Variants in MIB1 observed in about 807,000 individuals in gnomAD.
MIB1 encodes the protein MIB E3 ubiquitin protein ligase 1.
Under a neutral mutation model 124.5 loss-of-function variants are expected in MIB1, and 278 were observed. That is an observed-to-expected ratio of 2.23 (90% CI 2.02 to 2.47). The LOEUF is 2.47. Ranked by LOEUF, MIB1 falls within the 30% of genes most tolerant of loss-of-function variation. MIB1 has a pLI of 0.00. For missense variants in MIB1, 957 were observed against 1,254.4 expected (o/e 0.76, Z 3.58); for synonymous variants, 446 against 429.4 (o/e 1.04, Z -0.48).
intron 1 of MIB1, among the ~76,000 whole-genome samples, chr18:21,750,645 G>T (rs922285192): frequency 6.6e-6 from 1 of 151,670 alleles, no homozygotes; most frequent in African/African-American, 2.4e-5. Context: ...TGTATTTTTA[G>T]TAGAGATGGG....
chr18:21,843,536 T>C (rs182851796), intron 14 of MIB1, among the ~76,000 whole-genome samples: 106 of 152,354 alleles, frequency 7.0e-4, no homozygotes, highest in African/African-American at 2.1e-3. Context: ...TATTGAAATA[T>C]GTCAACTGTG....
At chr18:21,835,780 A>AT (rs1170714447) in intron 12 of MIB1, among the ~76,000 whole-genome samples, 46 of 117,444 alleles carry the variant, frequency 3.9e-4, no homozygotes, top group Middle Eastern at 4.3e-3. Context: ...AAGAAAAAAA[A>AT]AAAAATATAT....
At chr18:21,771,295 AACTT>A (rs1310958704) in intron 3 of MIB1, among the ~76,000 whole-genome samples, 4 of 152,250 alleles carry the variant, frequency 2.6e-5, no homozygotes, top group Admixed American at 6.5e-5. Flanking sequence ...TTGACTAATG[AACTT>A]ACTTCTATTT....
At chr18:21,752,356 A>G (rs139526270) in intron 1 of MIB1, among the ~76,000 whole-genome samples, 60 of 152,262 alleles carry the variant, frequency 3.9e-4, no homozygotes, top group African/African-American at 8.7e-4. Context: ...AAATTGCCCA[A>G]TTAATATTTA....
At chr18:21,815,573 T>C (rs774983554) in intron 10 of MIB1, 43 bp from the exon 11 acceptor site, 1 of 1,540,340 alleles carries the variant, frequency 6.5e-7, no homozygotes, top group East Asian at 2.3e-5. Context: ...GTTTTTTTCT[T>C]TCTAAAATAT....
At chr18:21,785,159 C>T (rs944536240) in intron 6 of MIB1, among the ~76,000 whole-genome samples, 11 of 152,042 alleles carry the variant, frequency 7.2e-5, no homozygotes, top group Admixed American at 5.2e-4. Flanking sequence ...TCGTGTGACC[C>T]GGTGGACATG....
Position 21,779,700 on chromosome 18 carries a change from T to C in MIB1, c.908+15T>C. ...AGTGGCAATAGGTGGGTGATATCTC[T>C]CAATTTTTGACAATGACAAATAAAA... On this transcript the variant is annotated intron_variant, in intron 6 of 20. Transcript: ENST00000261537. The C allele has an allele frequency of 6.3e-7, 1 of 1,596,306 alleles. No individual in the cohort carries two copies. The highest frequency in any genetic ancestry group is 1.1e-5 in the South Asian group (1 of 90,472).
intron 9 of MIB1, among the ~76,000 whole-genome samples, chr18:21,802,866 A>G (rs764211256): frequency 2.6e-5 from 4 of 152,166 alleles, no homozygotes; most frequent in Admixed American, 2.0e-4. Context: ...ATAGCAATCT[A>G]TTCTCTACAG....
At chr18:21,825,685 T>G (rs2041918276) in intron 12 of MIB1, 1 of 530,366 alleles carries the variant, frequency 1.9e-6, no homozygotes, top group African/African-American at 1.9e-5. Flanking sequence ...AAACGTTGGT[T>G]GTCCCGTAGT....
At chr18:21,733,767 G>T (rs919635808) in intron 1 of MIB1, among the ~76,000 whole-genome samples, 5 of 150,544 alleles carry the variant, frequency 3.3e-5, no homozygotes, top group African/African-American at 1.2e-4. Flanking sequence ...GTGCAATGGT[G>T]CAATCTCGGC....
chr18:21,826,853 G>C (rs900112481), intron 12 of MIB1: 1 of 152,058 alleles, frequency 6.6e-6, no homozygotes, highest in African/African-American at 2.4e-5. Flanking sequence ...TATATTCTGC[G>C]TCTGTTGGTT....
Position 21,838,362 on chromosome 18 carries a change from C to A in MIB1, c.1830-3C>A. On this transcript the variant is annotated splice_polypyrimidine_tract_variant and splice_region_variant and intron_variant, in intron 12 of 20. Coordinates refer to ENST00000261537, the MANE Select transcript of MIB1 (RefSeq NM_020774.4). ...ATAGAAATAATGTGAATTTAACTTT[C>A]AGTGCAATGCGTGTTTTACTATCTA... 6.4e-7 allele frequency: 1 copy of A among 1,568,510 alleles called. No homozygotes were observed. The highest frequency in any genetic ancestry group is 8.6e-7 in the Non-Finnish European group (1 of 1,157,542).
chr18:21,791,784 G>A (rs2041507314), intron 7 of MIB1, among the ~76,000 whole-genome samples: 1 of 152,104 alleles, frequency 6.6e-6, no homozygotes, highest in Non-Finnish European at 1.5e-5. Context: ...TTGATAGAGT[G>A]GTTATTGGAG....
intron 6 of MIB1, among the ~76,000 whole-genome samples, chr18:21,786,805 ATCTCTGTTAAATT>A (rs2041440940): frequency 6.6e-6 from 1 of 152,108 alleles, no homozygotes; most frequent in African/African-American, 2.4e-5. Context: ...CATCATTTCC[ATCTCTGTTAAATT>A]TCTCTGATAA....
chr18:21,710,549 A>T (rs2040661152), intron 1 of MIB1, among the ~76,000 whole-genome samples: 1 of 152,168 alleles, frequency 6.6e-6, no homozygotes, highest in South Asian at 2.1e-4. Flanking sequence ...CAGGAGTTTG[A>T]GACCAGCCTG....
chr18:21,765,986 G>T, intron 2 of MIB1, 43 bp downstream of exon 2: 2 of 1,582,770 alleles, frequency 1.3e-6, no homozygotes, highest in Non-Finnish European at 1.7e-6. Context: ...GTTTTTGTTT[G>T]TATTCAAGTT....
chr18:21,797,047 CAAA>C (rs1192527818), intron 7 of MIB1, among the ~76,000 whole-genome samples: 1 of 151,830 alleles, frequency 6.6e-6, no homozygotes, highest in East Asian at 1.9e-4. Context: ...TTTAAACAAA[CAAA>C]AAATTGATAA....
intron 1 of MIB1, among the ~76,000 whole-genome samples, chr18:21,718,943 C>T (rs1377122518): frequency 6.6e-6 from 1 of 151,908 alleles, no homozygotes; most frequent in African/African-American, 2.4e-5. Flanking sequence ...GCTCTCAGCA[C>T]TTTGGGAGGC....
At chr18:21,800,406 ACTCCT>A (rs1456284620) in intron 9 of MIB1, among the ~76,000 whole-genome samples, 1 of 151,796 alleles carries the variant, frequency 6.6e-6, no homozygotes, top group Non-Finnish European at 1.5e-5. Flanking sequence ...ATTTAATGTA[ACTCCT>A]CTCCACCCCA....
Sources: allele counts gnomAD v4.1 joint callset (sites outside exome capture counted in the v4.1 genomes callset), GRCh38; gene constraint gnomAD v4.1.1; transcripts MANE v1.5; gene names NCBI Gene and HGNC (gene_info 2026-07-23, HGNC 2026-07-21).